Variants in EGFR observed in about 807,000 individuals in gnomAD.
EGFR encodes the protein epidermal growth factor receptor.
EGFR carries 58 observed loss-of-function variants against 143.0 expected under a neutral mutation model. That is an observed-to-expected ratio of 0.41 (90% CI 0.33 to 0.50). The LOEUF (loss-of-function observed/expected upper bound fraction) is 0.50, where lower values mean the gene tolerates loss of function less well. Ranked by LOEUF, EGFR falls within the 20% of genes least tolerant of loss-of-function variation. The pLI, the probability that EGFR is intolerant of heterozygous loss-of-function variation, is 0.39. For missense variants in EGFR, 1,307 were observed against 1,579.0 expected (o/e 0.83, Z 2.92); for synonymous variants, 613 against 594.4 (o/e 1.03, Z -0.45).
At chr7:55,158,813 C>T (rs930307485) in intron 11 of EGFR, among the ~76,000 whole-genome samples, 3 of 152,210 alleles carry the variant, frequency 2.0e-5, no homozygotes, top group Non-Finnish European at 4.4e-5. Context: ...TCCTGGCCTC[C>T]CTGGGCATAT....
intron 1 of EGFR, among the ~76,000 whole-genome samples, chr7:55,037,094 C>G (rs1787628251): frequency 6.6e-6 from 1 of 152,252 alleles, no homozygotes; most frequent in African/African-American, 2.4e-5. Flanking sequence ...AGCCCTGATC[C>G]TTACACTAAT....
chr7:55,198,362 T>C lies in EGFR; in HGVS notation c.2702-355T>C, dbSNP rs191136677. ...GTCCCTCAGAGCAGGTGACTGAGTG[T>C]GTATCCTGTCTGGAGCATAATACTT... On this transcript the variant is annotated intron_variant, in intron 22 of 27. Transcript: ENST00000275493. 1.6e-3 allele frequency among the ~76,000 whole-genome samples: 237 copies of C among 152,346 alleles called. 2 individuals are homozygous for C. Among genetic ancestry groups the C allele is most frequent in the Non-Finnish European group, 1.1e-3 (78 of 68,036 alleles).
intron 27 of EGFR, among the ~76,000 whole-genome samples, chr7:55,204,071 C>T (rs902664730): frequency 2.0e-5 from 3 of 151,400 alleles, no homozygotes; most frequent in African/African-American, 7.3e-5. Context: ...ATAATATAAA[C>T]AGATTATCAA....
At chr7:55,078,381 C>T (rs1790258174) in intron 1 of EGFR, among the ~76,000 whole-genome samples, 1 of 152,158 alleles carries the variant, frequency 6.6e-6, no homozygotes, top group Non-Finnish European at 1.5e-5. Flanking sequence ...AGCCCCATCC[C>T]CAGGGTACCA....
At chr7:55,126,528 G>A (rs186328529) in intron 1 of EGFR, among the ~76,000 whole-genome samples, 22 of 152,312 alleles carry the variant, frequency 1.4e-4, no homozygotes, top group Admixed American at 1.0e-3. Context: ...GGGTGCAAAC[G>A]CAGGCTTGTG....
intron 20 of EGFR, 149 bp downstream of exon 20, chr7:55,181,627 C>A: frequency 2.1e-6 from 2 of 931,948 alleles, no homozygotes; most frequent in Non-Finnish European, 1.7e-6. Flanking sequence ...TGGATTCAAT[C>A]AAGTTGATCT....
chr7:55,205,404 C>T lies in EGFR; in HGVS notation c.3420C>T (p.Asn1140=), dbSNP rs1156795946. The T allele has an allele frequency of 6.2e-7, 1 of 1,614,178 alleles. No homozygotes were observed. The highest frequency in any genetic ancestry group is 1.1e-5 in the South Asian group (1 of 91,074). The change falls in exon 28 of 28, where the codon AAC becomes AAT. Residue 1140 remains asparagine (N), a synonymous_variant. Coordinates refer to ENST00000275493, the MANE Select transcript of EGFR (RefSeq NM_005228.5). ...CAGTGGGCAACCCCGAGTATCTCAA[C>T]ACTGTCCAGCCCACCTGTGTCAACA... ...STAVGNPEYL[N]TVQPTCVNST...
At position 55,154,165 on chromosome 7, in the gene EGFR, C is replaced by G. The variant is rs371265930; in HGVS notation, c.889+13C>G. On this transcript the variant is annotated intron_variant, in intron 7 of 27. Coordinates refer to ENST00000275493, the MANE Select transcript of EGFR (RefSeq NM_005228.5). Reference sequence around the variant, plus strand: ...AAGAAGTGTCCCCGTGAGTCCTCCTCTGTGGGCCCTCTAACTGGTCAGGCA... The same window carrying G: ...AAGAAGTGTCCCCGTGAGTCCTCCTGTGTGGGCCCTCTAACTGGTCAGGCA... The G allele has an allele frequency of 6.2e-7, 1 of 1,614,234 alleles. No homozygotes were observed.
intron 1 of EGFR, among the ~76,000 whole-genome samples, chr7:55,031,060 C>T (rs745599594): frequency 6.6e-6 from 1 of 152,212 alleles, no homozygotes; most frequent in Non-Finnish European, 1.5e-5. Flanking sequence ...TTTCAGTACT[C>T]TGGCAGAAAT....
At chr7:55,124,124 A>G (rs776743365) in intron 1 of EGFR, among the ~76,000 whole-genome samples, 9 of 152,250 alleles carry the variant, frequency 5.9e-5, no homozygotes, top group Non-Finnish European at 1.0e-4. Flanking sequence ...TATAGCTTAA[A>G]TTATAGGAAA....
intron 1 of EGFR, among the ~76,000 whole-genome samples, chr7:55,133,490 G>A (rs768824275): frequency 3.9e-5 from 6 of 152,232 alleles, no homozygotes; most frequent in Admixed American, 1.3e-4. Context: ...GCTTCCTGAA[G>A]TCAGCTGGCC....
intron 1 of EGFR, among the ~76,000 whole-genome samples, chr7:55,035,707 A>G (rs1056168412): frequency 1.3e-5 from 2 of 151,698 alleles, no homozygotes; most frequent in Non-Finnish European, 2.9e-5. Context: ...AAAAAAGGAT[A>G]AAGAAATCAT....
intron 20 of EGFR, among the ~76,000 whole-genome samples, chr7:55,185,645 A>T (rs2075104): frequency 0.58 from 87,837 of 151,832 alleles, 26,074 homozygotes; most frequent in Middle Eastern, 0.69. Flanking sequence ...GTCTCACAGA[A>T]TTGAGTGTTC....
At chr7:55,182,622 G>C (rs963191738) in intron 20 of EGFR, 1 of 152,238 alleles carries the variant, frequency 6.6e-6, no homozygotes, top group Non-Finnish European at 1.5e-5. Context: ...TGTAGAAGCA[G>C]GGACCACCTC....
chr7:55,062,877 T>C (rs1362156322), intron 1 of EGFR, among the ~76,000 whole-genome samples: 2 of 152,102 alleles, frequency 1.3e-5, no homozygotes, highest in African/African-American at 4.8e-5. Context: ...TCTTACCATG[T>C]GGTGGATGCC....
intron 1 of EGFR, among the ~76,000 whole-genome samples, chr7:55,067,484 T>C (rs1789570462): frequency 6.6e-6 from 1 of 151,466 alleles, no homozygotes; most frequent in Non-Finnish European, 1.5e-5. Flanking sequence ...GAGAACCCCA[T>C]TGCTGCCTCT....
intron 1 of EGFR, among the ~76,000 whole-genome samples, chr7:55,127,260 A>G (rs1433268971): frequency 6.6e-6 from 1 of 152,220 alleles, no homozygotes; most frequent in Non-Finnish European, 1.5e-5. Flanking sequence ...CTCATTAGGA[A>G]GGAGAGGAAG....
chr7:55,167,853 C>T (rs1344090095), intron 15 of EGFR, among the ~76,000 whole-genome samples: 1 of 152,082 alleles, frequency 6.6e-6, no homozygotes. Flanking sequence ...TTATAAGGGC[C>T]AAGTTTCCAG....
intron 1 of EGFR, among the ~76,000 whole-genome samples, chr7:55,121,326 A>G (rs1584092804): frequency 6.6e-6 from 1 of 152,228 alleles, no homozygotes; most frequent in East Asian, 1.9e-4. Context: ...CTGCTCTTTC[A>G]GAATCCATTT....
Sources: allele counts gnomAD v4.1 joint callset (sites outside exome capture counted in the v4.1 genomes callset), GRCh38; gene constraint gnomAD v4.1.1; transcripts MANE v1.5; gene names NCBI Gene and HGNC (gene_info 2026-07-23, HGNC 2026-07-21).